Variants in TMEM92 observed in about 807,000 individuals in gnomAD.
The protein encoded by TMEM92 is transmembrane protein 92.
Under a neutral mutation model 14.6 loss-of-function variants are expected in TMEM92, and 15 were observed. That is an observed-to-expected ratio of 1.03 (90% CI 0.69 to 1.58). The LOEUF (loss-of-function observed/expected upper bound fraction) is 1.58, where lower values mean the gene tolerates loss of function less well. Ranked by LOEUF, TMEM92 falls within the 40% of genes most tolerant of loss-of-function variation. The probability of loss-of-function intolerance (pLI) is 0.00; values close to 1 mark genes in which losing one functional copy is unlikely to be tolerated. For missense variants in TMEM92, 174 were observed against 202.4 expected (o/e 0.86, Z 0.85); for synonymous variants, 85 against 83.3 (o/e 1.02, Z -0.11).
chr17:50,276,062 C>T (rs1218913345), intron 1 of TMEM92, among the ~76,000 whole-genome samples: 5 of 151,548 alleles, frequency 3.3e-5, no homozygotes, highest in African/African-American at 1.2e-4. Context: ...ACCTGGGAGG[C>T]GGAGGTTGCA....
chr17:50,278,499 C>T, intron 2 of TMEM92, 57 bp from the exon 3 acceptor site: 2 of 1,595,200 alleles, frequency 1.3e-6, no homozygotes, highest in Non-Finnish European at 8.6e-7. Flanking sequence ...GATCCTTCTG[C>T]CTCTCCATTC....
In TMEM92 at chr17:50,274,469, T is replaced by A; in HGVS notation, c.-33T>A. 4.3e-6 allele frequency: 7 copies of A among 1,613,060 alleles called. No individual in the cohort carries two copies. The highest frequency in any genetic ancestry group is 5.9e-6 in the Non-Finnish European group (7 of 1,179,262). On this transcript the variant is annotated 5_prime_UTR_variant, in exon 1 of 5. Coordinates refer to ENST00000507382, the MANE Select transcript of TMEM92 (RefSeq NM_153229.3). ...GGAGAGGTCGCAGCCCCGCCTTCTC[T>A]ACACAGGAAAGCTCAGTGGCCCCCA...
Position 50,278,458 on chromosome 17 carries a change from G to T in TMEM92, c.96-98G>T, listed in dbSNP as rs987406432. ...CCCACTAAGGGGTGGCTTGTGCCATGAGCATCTTGGGTGTATTTTGGGGAG... is the reference window on the plus strand; with the variant it reads ...CCCACTAAGGGGTGGCTTGTGCCATTAGCATCTTGGGTGTATTTTGGGGAG... On this transcript the variant is annotated intron_variant, in intron 2 of 4. Transcript: ENST00000507382. 9 of 1,390,158 alleles carry T rather than the reference G, an allele frequency of 6.5e-6. No homozygotes were observed. The African/African-American group carries it at 1.1e-4, about 18-fold the overall frequency. The allele number at this position is 1,390,158 out of a possible 1,614,324, so 86.1% of individuals were successfully genotyped here.
At chr17:50,274,463 C>T (rs541946392), upstream of TMEM92, 2 of 1,611,582 alleles carry the variant, frequency 1.2e-6, no homozygotes, top group East Asian at 2.2e-5. Flanking sequence ...GCAGCCCCGC[C>T]TTCTCTACAC....
rs1910542868 is a variant in TMEM92 at position 50,279,423 on chromosome 17, T to C, written c.*115T>C. On this transcript the variant is annotated 3_prime_UTR_variant, in exon 5 of 5. Transcript: ENST00000507382. ...CCCTGCCCATCCTGCCGTGTCTCTGTTCATTCTTGGATTTAACTTATTACT... is the reference window on the plus strand; with the variant it reads ...CCCTGCCCATCCTGCCGTGTCTCTGCTCATTCTTGGATTTAACTTATTACT... 1 of 842,612 alleles carries C rather than the reference T, an allele frequency of 1.2e-6. No individual in the cohort carries two copies. Among genetic ancestry groups the C allele is most frequent in the Non-Finnish European group, 2.0e-6 (1 of 509,198 alleles). 52.2% of individuals were successfully genotyped at this position (842,612 alleles called of 1,614,324 possible).
At position 50,274,530 on chromosome 17, in the gene TMEM92, C is replaced by A. The variant is rs965347578; in HGVS notation, c.29C>A (p.Ala10Glu). The A allele has an allele frequency of 1.2e-6, 2 of 1,613,966 alleles. No homozygotes were observed. The highest frequency in any genetic ancestry group is 2.2e-5 in the South Asian group (2 of 91,034). The change falls in exon 1 of 5, where the codon GCG becomes GAG. Residue 10 changes from alanine (A) to glutamate (E), a missense_variant. Physicochemically the swap from Ala to Glu is moderately radical, Grantham distance 107 (BLOSUM62 -1). Coordinates refer to ENST00000507382, the MANE Select transcript of TMEM92 (RefSeq NM_153229.3). ...TCCCAAGCTTGGGTCCCCGGCCTCG[C>A]GCCCACCTTGCTGTTCAGCCTGCTG... MSQAWVPGL[A>E]PTLLFSLLAG... is the part of the protein sequence containing the mutation.
rs771609071 is a variant in TMEM92 at position 50,278,811 on chromosome 17, A to G, written c.181A>G (p.Ile61Val). 56 of 1,611,016 alleles carry G rather than the reference A, an allele frequency of 3.5e-5. No individual in the cohort carries two copies. The highest frequency in any genetic ancestry group is 8.5e-7 in the Non-Finnish European group (1 of 1,178,832). Residue 61 changes from isoleucine to valine, a missense_variant, in exon 4 of 5, where the codon ATC (isoleucine) becomes GTC (valine). Coordinates refer to ENST00000507382, the MANE Select transcript of TMEM92 (RefSeq NM_153229.3). ...LFPGPVRIFV[I>V]IFLVILSVFC... is the part of the protein sequence containing the mutation. ...TGGTCCCCACCCCAGGATCTTCGTC[A>G]TCATCTTCCTGGTCATCCTGTCCGT...
chr17:50,277,615 C>T, intron 1 of TMEM92, 100 bp from the exon 2 acceptor site: 6 of 1,414,878 alleles, frequency 4.2e-6, no homozygotes, highest in Non-Finnish European at 6.0e-6. Flanking sequence ...TACTGGGGAC[C>T]TGCTGCCTGT....
chr17:50,272,940 C>T (rs1197355320), upstream of TMEM92, among the ~76,000 whole-genome samples: 1 of 151,860 alleles, frequency 6.6e-6, no homozygotes, highest in Non-Finnish European at 1.5e-5. Flanking sequence ...GAAACCGAAA[C>T]AGAAAAACAG....
At position 50,274,588 on chromosome 17, in the gene TMEM92, G is replaced by C. The variant is rs759882621; in HGVS notation, c.69+18G>C. On this transcript the variant is annotated intron_variant, in intron 1 of 4. Coordinates refer to ENST00000507382, the MANE Select transcript of TMEM92 (RefSeq NM_153229.3). ...CCCAAAAGGTGAGACTGGGAGGTAAGGTTGTTGAACTTTTGGGCCCTACCC... is the reference window on the plus strand; with the variant it reads ...CCCAAAAGGTGAGACTGGGAGGTAACGTTGTTGAACTTTTGGGCCCTACCC... 6.2e-7 allele frequency: 1 copy of C among 1,610,524 alleles called. No individual in the cohort carries two copies. Among genetic ancestry groups the C allele is most frequent in the Non-Finnish European group, 8.5e-7 (1 of 1,178,318 alleles).
chr17:50,273,844 C>T (rs1007601487), upstream of TMEM92, among the ~76,000 whole-genome samples: 6 of 152,336 alleles, frequency 3.9e-5, no homozygotes, highest in Non-Finnish European at 8.8e-5. Flanking sequence ...TCCACGTCCC[C>T]TTCCCACTCC....
chr17:50,273,381 G>A (rs1308252546), upstream of TMEM92, among the ~76,000 whole-genome samples: 1 of 152,190 alleles, frequency 6.6e-6, no homozygotes, highest in Non-Finnish European at 1.5e-5. Context: ...GGCGGCCGCA[G>A]GGGGCTCAGA....
chr17:50,274,446 A>G, upstream of TMEM92: 1 of 1,585,678 alleles, frequency 6.3e-7, no homozygotes, highest in East Asian at 2.2e-5. Flanking sequence ...GAGAAGTGGG[A>G]GAGGTCGCAG....
chr17:50,274,606 C>T, intron 1 of TMEM92, 36 bp downstream of exon 1: 3 of 1,591,146 alleles, frequency 1.9e-6, no homozygotes, highest in East Asian at 2.3e-5. Context: ...AACTTTTGGG[C>T]CCTACCCTTG....
chr17:50,271,872 C>G (rs1197297024), upstream of TMEM92, among the ~76,000 whole-genome samples: 1 of 152,028 alleles, frequency 6.6e-6, no homozygotes, highest in Non-Finnish European at 1.5e-5. Flanking sequence ...AACCCTGTCT[C>G]TACTAAAAAT....
At position 50,274,509 on chromosome 17, in the gene TMEM92, A is replaced by G; in HGVS notation, c.8A>G (p.Gln3Arg). 6.2e-7 allele frequency: 1 copy of G among 1,613,918 alleles called. No individual in the cohort carries two copies. Among genetic ancestry groups the G allele is most frequent in the African/African-American group, 1.3e-5 (1 of 75,022 alleles). The part of the protein sequence containing the change: MS[Q>R]AWVPGLAPTL... ...AGTGGCCCCCAAGCCAGGATGTCCC[A>G]AGCTTGGGTCCCCGGCCTCGCGCCC... Residue 3 changes from glutamine (Q) to arginine (R), a missense_variant, in exon 1 of 5, where the codon CAA becomes CGA. Gln to Arg is a conservative substitution (Grantham distance 43). Transcript: ENST00000507382.
chr17:50,279,220 C>G lies in TMEM92; in HGVS notation c.392C>G (p.Pro131Arg). 6.2e-7 allele frequency: 1 copy of G among 1,614,016 alleles called. No individual in the cohort carries two copies. The highest frequency in any genetic ancestry group is 1.1e-5 in the South Asian group (1 of 91,090). ...SEVILKPSLG[P>R]TPTEPPPPYS... Reference sequence around the variant, plus strand: ...GTGATTCTGAAGCCCAGCCTGGGCCCAACTCCCACAGAGCCACCCCCTCCC... The same window carrying G: ...GTGATTCTGAAGCCCAGCCTGGGCCGAACTCCCACAGAGCCACCCCCTCCC... Residue 131 changes from proline to arginine, a missense_variant, in exon 5 of 5, where the codon CCA becomes CGA. Pro to Arg is a moderately radical substitution (Grantham distance 103). Coordinates refer to ENST00000507382, the MANE Select transcript of TMEM92 (RefSeq NM_153229.3).
intron 1 of TMEM92, chr17:50,275,045 T>G (rs1237739595): frequency 6.5e-6 from 1 of 153,728 alleles, no homozygotes; most frequent in East Asian, 2.0e-4. Context: ...CTTCTAGGGG[T>G]AAGTAATCCC....
chr17:50,276,079 C>G (rs1598329327), intron 1 of TMEM92, among the ~76,000 whole-genome samples: 1 of 151,596 alleles, frequency 6.6e-6, no homozygotes, highest in Non-Finnish European at 1.5e-5. Flanking sequence ...TGCAGTGAGC[C>G]GAGATCGCAC....
Sources: allele counts gnomAD v4.1 joint callset (sites outside exome capture counted in the v4.1 genomes callset), GRCh38; gene constraint gnomAD v4.1.1; transcripts MANE v1.5; gene names NCBI Gene and HGNC (gene_info 2026-07-23, HGNC 2026-07-21).